ENTPD1: variants seen among roughly 807,000 people sequenced by gnomAD.
ENTPD1 encodes ectonucleoside triphosphate diphosphohydrolase 1.
ENTPD1 carries 33 observed loss-of-function variants against 57.0 expected under a neutral mutation model. The ratio of observed to expected loss-of-function variants is 0.58; its 90% CI spans 0.44 to 0.77. ENTPD1 has a LOEUF of 0.77. Ranked by LOEUF, ENTPD1 falls within the 30% of genes least tolerant of loss-of-function variation. The pLI is 0.00. For missense variants in ENTPD1, 501 were observed against 603.4 expected (o/e 0.83, Z 1.78); for synonymous variants, 202 against 218.8 (o/e 0.92, Z 0.68).
At chr10:95,781,263 G>A (rs576991492) in intron 1 of ENTPD1, among the ~76,000 whole-genome samples, 2 of 152,188 alleles carry the variant, frequency 1.3e-5, no homozygotes, top group South Asian at 4.1e-4. Context: ...GAAGGGTAGT[G>A]GGGGCTGGGT....
chr10:95,871,427 T>A lies in ENTPD1; in HGVS notation c.*5044T>A. On this transcript the variant is annotated 3_prime_UTR_variant, in exon 10 of 10. Coordinates refer to ENST00000371205, the MANE Select transcript of ENTPD1 (RefSeq NM_001776.6). Reference sequence around the variant, plus strand: ...ACATTAGCCTCGCATTCTAAACTGGTAGATGTCCTAGGAAACCATACATCT... The same window carrying A: ...ACATTAGCCTCGCATTCTAAACTGGAAGATGTCCTAGGAAACCATACATCT... The A allele has an allele frequency of 2.0e-6, 2 of 985,446 alleles. No individual in the cohort carries two copies. The highest frequency in any genetic ancestry group is 2.4e-6 in the Non-Finnish European group (2 of 829,922). The allele number at this position is 985,446 out of a possible 1,614,324, so 61.0% of individuals were successfully genotyped here.
upstream of ENTPD1, chr10:95,754,332 C>T (rs1182594003): frequency 6.9e-6 from 1 of 145,376 alleles, no homozygotes; most frequent in South Asian, 2.2e-4. Flanking sequence ...AAAAAAAGAA[C>T]CTAATATCCT....
intron 3 of ENTPD1, among the ~76,000 whole-genome samples, chr10:95,841,354 T>G (rs961420700): frequency 6.6e-6 from 1 of 151,382 alleles, no homozygotes; most frequent in Admixed American, 6.6e-5. Context: ...GCCACTACAC[T>G]CCAGCCTGGG....
At chr10:95,757,534 T>C (rs2098032745) in intron 1 of ENTPD1, among the ~76,000 whole-genome samples, 1 of 152,196 alleles carries the variant, frequency 6.6e-6, no homozygotes, top group Admixed American at 6.5e-5. Flanking sequence ...GGTAAAATCT[T>C]AAGTCTGTGA....
At position 95,867,658 on chromosome 10, in the gene ENTPD1, T is replaced by A. The variant is rs1053511124; in HGVS notation, c.*1275T>A. 1 of 985,336 alleles carries A rather than the reference T, an allele frequency of 1.0e-6. No homozygotes were observed. Among genetic ancestry groups the A allele is most frequent in the Non-Finnish European group, 1.2e-6 (1 of 829,960 alleles). 61.0% of individuals were successfully genotyped at this position (985,336 alleles called of 1,614,324 possible). On this transcript the variant is annotated 3_prime_UTR_variant, in exon 10 of 10. Transcript: ENST00000371205. ...AGCTATAGACCTTACCATGGAAACATGAAGAGACCCTGCACCCCTTTCCTT... is the reference window on the plus strand; with the variant it reads ...AGCTATAGACCTTACCATGGAAACAAGAAGAGACCCTGCACCCCTTTCCTT...
At position 95,814,061 on chromosome 10, in the gene ENTPD1, G is replaced by A. The variant is rs2098320542; in HGVS notation, c.17-9176G>A. ...AGATGTGGAAGAAGACTCGTTTAGT[G>A]GAAGCAATGCGCTTATTGCTGAGGC... On this transcript the variant is annotated intron_variant, in intron 1 of 9. Transcript: ENST00000371205. 2.0e-5 allele frequency among the ~76,000 whole-genome samples: 3 copies of A among 152,216 alleles called. No individual in the cohort carries two copies. The South Asian group carries it at 6.2e-4, about 31-fold the overall frequency.
chr10:95,814,176 C>T (rs761406305), intron 1 of ENTPD1, among the ~76,000 whole-genome samples: 3 of 152,166 alleles, frequency 2.0e-5, no homozygotes, highest in Non-Finnish European at 4.4e-5. Flanking sequence ...CGGAAACAGC[C>T]TTCCTCCCTG....
At chr10:95,717,194 A>T (rs1337147423) in intron 1 of ENTPD1, among the ~76,000 whole-genome samples, 1 of 152,236 alleles carries the variant, frequency 6.6e-6, no homozygotes, top group Admixed American at 6.5e-5. Context: ...CAGTGTCAGG[A>T]TAACTGTAAG....
chr10:95,711,958 T>G, exon 1 of ENTPD1: 1 of 1,613,264 alleles, frequency 6.2e-7, no homozygotes, highest in Non-Finnish European at 8.5e-7. Context: ...GAAGCTGCAA[T>G]GAAGGGAACC....
intron 1 of ENTPD1, among the ~76,000 whole-genome samples, chr10:95,809,398 A>C (rs2098288444): frequency 7.6e-6 from 1 of 131,996 alleles, no homozygotes; most frequent in South Asian, 2.6e-4. Flanking sequence ...CCCACCCCCC[A>C]GACGGGGAGG....
intron 2 of ENTPD1, among the ~76,000 whole-genome samples, chr10:95,838,774 C>T (rs1217261931): frequency 1.3e-5 from 2 of 152,122 alleles, no homozygotes; most frequent in African/African-American, 4.8e-5. Context: ...TTTACTGTAG[C>T]TACCCCTCAT....
At chr10:95,694,214 T>C in the ENTPD1 span, 13 of 377,470 alleles carry the variant, frequency 3.4e-5, no homozygotes, top group Non-Finnish European at 5.3e-5. Flanking sequence ...ACCGAGAGGT[T>C]CCGCGCCCAC....
chr10:95,804,791 T>G (rs2098265359), intron 1 of ENTPD1, among the ~76,000 whole-genome samples: 2 of 152,246 alleles, frequency 1.3e-5, no homozygotes, highest in African/African-American at 4.8e-5. Context: ...TTTTTGCACA[T>G]TCAGTATGAT....
At chr10:95,756,101 A>C, upstream of ENTPD1, 9 of 1,528,262 alleles carry the variant, frequency 5.9e-6, no homozygotes, top group Non-Finnish European at 7.9e-6. Context: ...GGGCCGGCTA[A>C]TTTAGCCCCT....
rs546942113 is a variant in ENTPD1 at position 95,720,418 on chromosome 10, G to C, written c.37+8425G>C. ...GGCATAATTAGAAAAGCATGTGAAA[G>C]AGTAATGTTCCCCAGTCACAACTTA... is the stretch of plus-strand genomic sequence containing the variant. On this transcript the variant is annotated intron_variant, in intron 1 of 9. Coordinates refer to the ENTPD1 transcript ENST00000453258. 2.0e-5 allele frequency among the ~76,000 whole-genome samples: 3 copies of C among 152,206 alleles called. No individual in the cohort carries two copies. The South Asian group carries it at 6.2e-4, about 31-fold the overall frequency.
intron 3 of ENTPD1, among the ~76,000 whole-genome samples, chr10:95,841,356 C>T (rs1185508467): frequency 1.3e-5 from 2 of 151,654 alleles, no homozygotes; most frequent in Non-Finnish European, 2.9e-5. Flanking sequence ...CACTACACTC[C>T]AGCCTGGGCG....
chr10:95,841,264 G>A (rs1360263375), intron 3 of ENTPD1, among the ~76,000 whole-genome samples: 2 of 152,156 alleles, frequency 1.3e-5, no homozygotes, highest in African/African-American at 2.4e-5. Flanking sequence ...GTGCGTGCCT[G>A]TAGTCCCAGC....
intron 1 of ENTPD1, chr10:95,784,938 T>A (rs1031521964): frequency 6.6e-5 from 10 of 152,254 alleles, no homozygotes; most frequent in African/African-American, 2.2e-4. Flanking sequence ...GACTGGACTT[T>A]GTTACCTGAG....
chr10:95,765,044 G>T (rs900693415), intron 1 of ENTPD1, among the ~76,000 whole-genome samples: 2 of 151,940 alleles, frequency 1.3e-5, no homozygotes, highest in Non-Finnish European at 2.9e-5. Flanking sequence ...TTTTAAATGG[G>T]TTTACCTTTT....
Sources: gnomAD v4.1 joint callset for allele counts (sites outside exome capture counted in the v4.1 genomes callset) on GRCh38, gnomAD v4.1.1 for gene constraint, MANE v1.5 for transcripts, NCBI Gene and HGNC (gene_info 2026-07-23, HGNC 2026-07-21) for gene names.